Variants in ZC3H11A observed in about 807,000 individuals in gnomAD.
ZC3H11A encodes zinc finger CCCH-type containing 11A, also known as zinc finger CCCH domain-containing protein 11A.
Under a neutral mutation model 90.8 loss-of-function variants are expected in ZC3H11A, and 22 were observed. That is an observed-to-expected ratio of 0.24 (90% CI 0.17 to 0.35). The LOEUF (loss-of-function observed/expected upper bound fraction) is 0.35, where lower values mean the gene tolerates loss of function less well. ZC3H11A is among the 10% of genes least tolerant of loss of function. ZC3H11A has a pLI of 1.00. For missense variants in ZC3H11A, 701 were observed against 964.9 expected (o/e 0.73, Z 3.62); for synonymous variants, 294 against 339.8 (o/e 0.87, Z 1.48).
At chr1:203,848,449 A>T in intron 14 of ZC3H11A, 42 bp downstream of exon 14, 1 of 1,475,634 alleles carries the variant, frequency 6.8e-7, no homozygotes, top group Non-Finnish European at 9.3e-7. Flanking sequence ...ATGGCAAACA[A>T]AGGCTAGATA....
At chr1:203,799,027 G>A in intron 1 of ZC3H11A, 1 of 1,536,076 alleles carries the variant, frequency 6.5e-7, no homozygotes, top group Non-Finnish European at 8.7e-7. Context: ...ACTGTACACT[G>A]GGTTTCTTTG....
At chr1:203,818,905 T>A (rs1292172089) in intron 4 of ZC3H11A, among the ~76,000 whole-genome samples, 1 of 151,536 alleles carries the variant, frequency 6.6e-6, no homozygotes, top group Non-Finnish European at 1.5e-5. Context: ...CCATCTCTAC[T>A]AAAAATACAA....
chr1:203,853,386 G>A lies in ZC3H11A; in HGVS notation c.*987G>A, dbSNP rs1689648691. The A allele has an allele frequency of 6.6e-6, 1 of 152,520 alleles. No homozygotes were observed. Among genetic ancestry groups the A allele is most frequent in the Admixed American group, 6.6e-5 (1 of 15,256 alleles). The allele number at this position is 152,520 out of a possible 1,614,324, so 9.4% of individuals were successfully genotyped here. A position where few individuals can be genotyped will look rare whatever the true frequency, so the allele number is the denominator to read the frequency against. On this transcript the variant is annotated 3_prime_UTR_variant, in exon 18 of 18. Transcript: ENST00000367210. The stretch of plus-strand genomic sequence containing the variant: ...CAGTACACTGAATTGTACTGTGCCA[G>A]GGATATTGAGATGCTCTGGGGGTGT...
In ZC3H11A at chr1:203,799,210, C is replaced by G. The variant is rs572167679; in HGVS notation, c.-1587-2365C>G. 7.8e-5 allele frequency: 78 copies of G among 995,288 alleles called. No homozygotes were observed. The South Asian group carries it at 9.4e-4, about 12-fold the overall frequency. The allele number at this position is 995,288 out of a possible 1,614,324, so 61.7% of individuals were successfully genotyped here. A position where few individuals can be genotyped will look rare whatever the true frequency, so the allele number is the denominator to read the frequency against. Reference sequence around the variant, plus strand: ...TTCCTTATCCCTAGCTTCATTGTTTCTGACAATTCCTCTAATGTGGTACAT... The same window carrying G: ...TTCCTTATCCCTAGCTTCATTGTTTGTGACAATTCCTCTAATGTGGTACAT... On this transcript the variant is annotated intron_variant, in intron 1 of 17. Coordinates refer to ENST00000367210, the MANE Select transcript of ZC3H11A (RefSeq NM_001376342.1).
intron 2 of ZC3H11A, chr1:203,805,559 GA>G (rs1672042163): frequency 1.7e-6 from 1 of 592,374 alleles, no homozygotes; most frequent in Admixed American, 1.9e-5. Flanking sequence ...GGTAAATTTG[GA>G]AAGATCAGTA....
intron 14 of ZC3H11A, 149 bp downstream of exon 14, chr1:203,848,556 C>T (rs1320845841): frequency 1.2e-5 from 8 of 664,820 alleles, no homozygotes; most frequent in Non-Finnish European, 1.8e-5. Context: ...TGAGAATTTC[C>T]TGTAGTTCTA....
intron 4 of ZC3H11A, among the ~76,000 whole-genome samples, chr1:203,819,529 A>ATTTTTTTTTTTTTT (rs755259647): frequency 1.2e-3 from 84 of 72,874 alleles, no homozygotes; most frequent in African/African-American, 2.3e-3. Flanking sequence ...GCTGACTCCA[A>ATTTTTTTTTTTTTT]TTTTTTTTTT....
At chr1:203,846,661 C>T (rs1175653673) in intron 12 of ZC3H11A, among the ~76,000 whole-genome samples, 1 of 152,072 alleles carries the variant, frequency 6.6e-6, no homozygotes, top group Admixed American at 6.5e-5. Flanking sequence ...TGTTTATAGC[C>T]ATAAGTTAAT....
chr1:203,805,272 C>T (rs926264892), intron 2 of ZC3H11A, among the ~76,000 whole-genome samples: 1 of 151,100 alleles, frequency 6.6e-6, no homozygotes, highest in East Asian at 2.0e-4. Context: ...AGTAGGACTA[C>T]AGGCGCCCGC....
intron 11 of ZC3H11A, 99 bp from the exon 12 acceptor site, chr1:203,840,207 G>A (rs1373997000): frequency 1.7e-6 from 2 of 1,180,050 alleles, no homozygotes; most frequent in Middle Eastern, 2.5e-4. Flanking sequence ...CCAAAGTTCT[G>A]GGATTACAGG....
At chr1:203,803,102 T>C (rs1671017993) in intron 2 of ZC3H11A, 86 bp downstream of exon 2, 1 of 152,418 alleles carries the variant, frequency 6.6e-6, no homozygotes, top group South Asian at 2.1e-4. Flanking sequence ...CAGTAAGAAA[T>C]TAAAAGGCCA....
intron 12 of ZC3H11A, among the ~76,000 whole-genome samples, chr1:203,841,878 TCAGA>T (rs201425399): frequency 0.13 from 18,311 of 140,058 alleles, 1,456 homozygotes; most frequent in East Asian, 0.29. Context: ...TCCTCACTTC[TCAGA>T]CGGGGCGGCC....
intron 8 of ZC3H11A, among the ~76,000 whole-genome samples, 200 bp downstream of exon 8, chr1:203,830,403 G>T (rs899419978): frequency 6.6e-6 from 1 of 152,142 alleles, no homozygotes; most frequent in Non-Finnish European, 1.5e-5. Context: ...TCAGAGCTGG[G>T]TACAATAAAG....
intron 5 of ZC3H11A, 168 bp from the exon 6 acceptor site, chr1:203,829,283 G>C: frequency 3.0e-6 from 2 of 671,754 alleles, no homozygotes; most frequent in Non-Finnish European, 2.5e-6. Flanking sequence ...AGTTAATTAG[G>C]TAAAAGCACA....
intron 2 of ZC3H11A, chr1:203,806,323 A>G (rs1672329393): frequency 4.3e-6 from 1 of 234,116 alleles, no homozygotes; most frequent in South Asian, 4.8e-5. Flanking sequence ...TTTTTTTGAG[A>G]CGGAGTCTCG....
chr1:203,810,334 C>G (rs374821771), intron 2 of ZC3H11A, among the ~76,000 whole-genome samples: 1 of 151,048 alleles, frequency 6.6e-6, no homozygotes, highest in East Asian at 1.9e-4. Context: ...GTTACAGAAG[C>G]TTAGTGTATA....
intron 2 of ZC3H11A, among the ~76,000 whole-genome samples, chr1:203,809,683 G>A (rs896554580): frequency 6.6e-6 from 1 of 152,156 alleles, no homozygotes; most frequent in Non-Finnish European, 1.5e-5. Context: ...ACCGGGTGCG[G>A]TGGCTCACGG....
chr1:203,797,667 G>A, intron 1 of ZC3H11A: 1 of 1,536,012 alleles, frequency 6.5e-7, no homozygotes, highest in Non-Finnish European at 8.7e-7. Context: ...AAAGATGGTA[G>A]CAGAAGGAGT....
intron 17 of ZC3H11A, 110 bp downstream of exon 17, chr1:203,851,234 G>C: frequency 5.1e-6 from 5 of 977,000 alleles, no homozygotes; most frequent in Non-Finnish European, 7.5e-6. Context: ...TAAATCTGTT[G>C]CACTTCAAAT....
Sources: allele counts gnomAD v4.1 joint callset (sites outside exome capture counted in the v4.1 genomes callset), GRCh38; gene constraint gnomAD v4.1.1; transcripts MANE v1.5; gene names NCBI Gene and HGNC (gene_info 2026-07-23, HGNC 2026-07-21).